IL6ST: variants seen among roughly 807,000 people sequenced by gnomAD.
The protein encoded by IL6ST is interleukin-6 receptor subunit beta.
IL6ST carries 24 observed loss-of-function variants against 91.3 expected under a neutral mutation model. That is an observed-to-expected ratio of 0.26 (90% CI 0.19 to 0.37). The LOEUF is 0.37. IL6ST is among the 10% of genes least tolerant of loss of function. IL6ST has a pLI of 1.00. For missense variants in IL6ST, 914 were observed against 1,078.5 expected (o/e 0.85, Z 2.14); for synonymous variants, 351 against 373.6 (o/e 0.94, Z 0.70).
At chr5:55,986,183 T>TAC (rs1753958412) in intron 1 of IL6ST, among the ~76,000 whole-genome samples, 1 of 152,250 alleles carries the variant, frequency 6.6e-6, no homozygotes, top group Admixed American at 6.5e-5. Context: ...TTCTGACTAC[T>TAC]ACTTCTATCA....
chr5:55,992,247 C>A (rs1754375068), intron 1 of IL6ST, among the ~76,000 whole-genome samples: 1 of 152,138 alleles, frequency 6.6e-6, no homozygotes, highest in South Asian at 2.1e-4. Context: ...GTTTGAGGCA[C>A]CTGGTGGACA....
chr5:55,956,275 A>C (rs1751969623), intron 9 of IL6ST, 40 bp from the exon 10 acceptor site: 1 of 1,190,340 alleles, frequency 8.4e-7, no homozygotes, highest in African/African-American at 1.6e-5. Flanking sequence ...AATCTCATAA[A>C]TCTTGAATAA....
intron 15 of IL6ST, among the ~76,000 whole-genome samples, chr5:55,946,746 G>A (rs965853593): frequency 4.0e-5 from 6 of 151,712 alleles, no homozygotes; most frequent in Non-Finnish European, 8.8e-5. Flanking sequence ...GAACTCAGGA[G>A]GTAGAGGTTG....
Position 55,939,023 on chromosome 5 carries a change from G to A in IL6ST, c.*2059C>T, listed in dbSNP as rs1750709355. The A allele has an allele frequency of 4.9e-6, 1 of 204,248 alleles. No homozygotes were observed. Among genetic ancestry groups the A allele is most frequent in the South Asian group, 1.9e-4 (1 of 5,276 alleles). The allele number at this position is 204,248 out of a possible 1,614,324, so 12.7% of individuals were successfully genotyped here. A position where few individuals can be genotyped will look rare whatever the true frequency, so the allele number is the denominator to read the frequency against. ...CATATTGTATATCTGACCCTGAAAT[G>A]TACAAACTTCACACTACAACATTCT... On this transcript the variant is annotated 3_prime_UTR_variant, in exon 17 of 17. Transcript: ENST00000381298.
intron 9 of IL6ST, among the ~76,000 whole-genome samples, chr5:55,956,960 T>C (rs1032328940): frequency 1.3e-5 from 2 of 152,044 alleles, no homozygotes; most frequent in Admixed American, 6.5e-5. Flanking sequence ...GAGATCAAGA[T>C]CATCCTGGCC....
rs572571578 is a variant in IL6ST, at chr5:55,963,318, G to A, written c.813+34C>T. On this transcript the variant is annotated intron_variant, in intron 7 of 16. Transcript: ENST00000381298. ...TTTTAAGATTAGAGGGTTGAAAGAAGGACTATTTGAATAAACGGTAACTTT... is the reference window on the plus strand; with the variant it reads ...TTTTAAGATTAGAGGGTTGAAAGAAAGACTATTTGAATAAACGGTAACTTT... 4.1e-6 allele frequency: 6 copies of A among 1,446,920 alleles called. No homozygotes were observed. In the South Asian group the frequency reaches 6.5e-5, roughly 16 times the overall value. 89.6% of individuals were successfully genotyped at this position (1,446,920 alleles called of 1,614,324 possible).
intron 14 of IL6ST, 46 bp from the exon 15 acceptor site, chr5:55,947,635 A>G (rs775309144): frequency 8.9e-7 from 1 of 1,127,982 alleles, no homozygotes; most frequent in Non-Finnish European, 1.3e-6. Flanking sequence ...GATGGGAAAT[A>G]ATGTTGACAT....
intron 4 of IL6ST, 61 bp from the exon 5 acceptor site, chr5:55,968,457 A>G: frequency 1.3e-6 from 2 of 1,486,356 alleles, no homozygotes; most frequent in Non-Finnish European, 1.9e-6. Flanking sequence ...TATGCAATTT[A>G]TATACTACCC....
chr5:55,972,396 C>T (rs59538929), intron 3 of IL6ST, among the ~76,000 whole-genome samples: 5,042 of 152,036 alleles, frequency 0.033, 282 homozygotes, highest in African/African-American at 0.11. Flanking sequence ...CCTGTAGTCC[C>T]AGCTACTTGG....
At chr5:55,947,418 G>T in intron 15 of IL6ST, 75 bp downstream of exon 15, 2 of 810,618 alleles carry the variant, frequency 2.5e-6, no homozygotes, top group Non-Finnish European at 4.2e-6. Flanking sequence ...ACTTAAAATG[G>T]ATAAATTTTA....
intron 12 of IL6ST, 24 bp downstream of exon 12, chr5:55,952,226 T>C: frequency 6.4e-7 from 1 of 1,563,024 alleles, no homozygotes; most frequent in Non-Finnish European, 8.7e-7. Context: ...ACTTTTTTTT[T>C]CAAAGAAGTG....
chr5:55,981,602 C>T (rs931463329), intron 2 of IL6ST, among the ~76,000 whole-genome samples: 14 of 151,934 alleles, frequency 9.2e-5, no homozygotes, highest in African/African-American at 3.1e-4. Context: ...AAGATCGTGC[C>T]ATTGCACTCC....
intron 1 of IL6ST, among the ~76,000 whole-genome samples, chr5:55,987,497 C>CA (rs1754038994): frequency 6.6e-6 from 1 of 152,090 alleles, no homozygotes; most frequent in African/African-American, 2.4e-5. Context: ...AAAATAACAA[C>CA]AAAGTGTCAG....
rs925216176 is a variant in IL6ST at position 55,939,509 on chromosome 5, T to C, written c.*1573A>G. The C allele has an allele frequency of 2.4e-5, 5 of 205,032 alleles. No individual in the cohort carries two copies. The highest frequency in any genetic ancestry group is 5.9e-5 in the Admixed American group (1 of 16,828). The allele number at this position is 205,032 out of a possible 1,614,324, so 12.7% of individuals were successfully genotyped here. A position where few individuals can be genotyped will look rare whatever the true frequency, so the allele number is the denominator to read the frequency against. On this transcript the variant is annotated 3_prime_UTR_variant, in exon 17 of 17. Transcript: ENST00000381298. Reference sequence around the variant, plus strand: ...ATTTCCATTGTAAATGTATACCAAGTTTTCTTAGCTTTCTATTCTCCAATA... The same window carrying C: ...ATTTCCATTGTAAATGTATACCAAGCTTTCTTAGCTTTCTATTCTCCAATA...
chr5:55,977,050 A>G (rs1580850939), intron 2 of IL6ST, among the ~76,000 whole-genome samples: 1 of 152,292 alleles, frequency 6.6e-6, no homozygotes, highest in East Asian at 1.9e-4. Flanking sequence ...CCAAACTGGA[A>G]ACAATCCAAA....
intron 2 of IL6ST, among the ~76,000 whole-genome samples, chr5:55,979,520 T>C (rs1753519549): frequency 1.3e-5 from 2 of 152,326 alleles, no homozygotes; most frequent in African/African-American, 2.4e-5. Context: ...CATATTAGTG[T>C]TGGCAAAAAT....
chr5:55,949,292 C>T (rs1751464041), intron 14 of IL6ST, among the ~76,000 whole-genome samples: 1 of 152,034 alleles, frequency 6.6e-6, no homozygotes, highest in Non-Finnish European at 1.5e-5. Flanking sequence ...GGCAACACAG[C>T]GAGATCCCAT....
At chr5:55,980,375 C>G (rs143522558) in intron 2 of IL6ST, among the ~76,000 whole-genome samples, 3,849 of 152,172 alleles carry the variant, frequency 0.025, 92 homozygotes, top group African/African-American at 0.057. Context: ...CATGGTGAAA[C>G]CCCGTCCATA....
chr5:55,969,843 T>A lies in IL6ST; in HGVS notation c.77A>T (p.Asp26Val). ...LTTESTGELL[D>V]PCGYISPESP... ...TTCAGGACTGATATAACCACATGGA[T>A]CTAGAAGTTCACCTAAAAAGGAACA... Residue 26 changes from aspartate (D) to valine (V), a missense_variant, in exon 4 of 17, where the codon GAT becomes GTT. Transcript: ENST00000381298. 6.3e-7 allele frequency: 1 copy of A among 1,586,782 alleles called. No homozygotes were observed. Among genetic ancestry groups the A allele is most frequent in the Non-Finnish European group, 8.6e-7 (1 of 1,162,126 alleles).
Sources: gnomAD v4.1 joint callset for allele counts (sites outside exome capture counted in the v4.1 genomes callset) on GRCh38, gnomAD v4.1.1 for gene constraint, MANE v1.5 for transcripts, NCBI Gene and HGNC (gene_info 2026-07-23, HGNC 2026-07-21) for gene names.